The following MRRF variants were observed in gnomAD, a reference collection of about 807,000 sequenced individuals.
The protein encoded by MRRF is mitochondrial ribosome recycling factor.
In MRRF, 18 loss-of-function variants were observed where a neutral mutation model predicts 25.1. The ratio of observed to expected loss-of-function variants is 0.72; its 90% CI spans 0.50 to 1.06. The LOEUF is 1.06. Ranked by LOEUF, MRRF falls within the 50% of genes least tolerant of loss-of-function variation. The probability of loss-of-function intolerance (pLI) is 0.00; values close to 1 mark genes in which losing one functional copy is unlikely to be tolerated. For synonymous variants in MRRF, 113 were observed against 112.1 expected, an observed-to-expected ratio of 1.01 and a Z score of -0.05; for missense variants, 323 against 319.3, an observed-to-expected ratio of 1.01 and a Z score of -0.09.
At position 122,327,154 on chromosome 9, in the gene MRRF, T is replaced by A. The variant is rs1405466838; in HGVS notation, c.*4537T>A. Reference sequence around the variant, plus strand: ...TAAACACCAAAGAAATGGTAGCTCTTATGGAGACAGTAAAGATTACATATT... The same window carrying A: ...TAAACACCAAAGAAATGGTAGCTCTAATGGAGACAGTAAAGATTACATATT... On this transcript the variant is annotated 3_prime_UTR_variant, in exon 7 of 7. Coordinates refer to ENST00000344641, the MANE Select transcript of MRRF (RefSeq NM_138777.5). 1.3e-5 allele frequency: 2 copies of A among 152,212 alleles called. No homozygotes were observed. The highest frequency in any genetic ancestry group is 3.8e-4 in the East Asian group (2 of 5,202). 9.4% of individuals were successfully genotyped at this position (152,212 alleles called of 1,614,324 possible).
intron 5 of MRRF, among the ~76,000 whole-genome samples, chr9:122,311,682 GATA>G (rs2118958326): frequency 6.6e-6 from 1 of 152,152 alleles, no homozygotes; most frequent in African/African-American, 2.4e-5. Flanking sequence ...AAGTTGATCA[GATA>G]ATTTTTTTTC....
intron 5 of MRRF, among the ~76,000 whole-genome samples, chr9:122,312,117 T>C (rs1393477440): frequency 1.3e-5 from 2 of 152,208 alleles, no homozygotes; most frequent in African/African-American, 4.8e-5. Context: ...GTGCATAATT[T>C]ACTTGAAATA....
Position 122,322,482 on chromosome 9 carries a change from A to C in MRRF, c.712-58A>C. ...ACCTTTTCATGTTTCTGGAATATTC[A>C]TCCCCCTACCCTTTTCCAGCCCCAT... is the stretch of plus-strand genomic sequence containing the variant. On this transcript the variant is annotated intron_variant, in intron 6 of 6. Transcript: ENST00000344641. 6 of 1,464,920 alleles carry C rather than the reference A, an allele frequency of 4.1e-6. No homozygotes were observed. The South Asian group carries it at 6.9e-5, about 17-fold the overall frequency. 90.7% of individuals were successfully genotyped at this position (1,464,920 alleles called of 1,614,324 possible).
At chr9:122,285,542 C>T in intron 4 of MRRF, 1 of 460,536 alleles carries the variant, frequency 2.2e-6, no homozygotes, top group Non-Finnish European at 4.1e-6. Context: ...ACTGGAGATG[C>T]AGTGATTGGT....
In MRRF at chr9:122,327,008, C is replaced by T. The variant is rs973932493; in HGVS notation, c.*4391C>T. The T allele has an allele frequency of 3.3e-5, 5 of 152,174 alleles. No homozygotes were observed. The highest frequency in any genetic ancestry group is 6.5e-5 in the Admixed American group (1 of 15,270). The allele number at this position is 152,174 out of a possible 1,614,324, so 9.4% of individuals were successfully genotyped here. A position where few individuals can be genotyped will look rare whatever the true frequency, so the allele number is the denominator to read the frequency against. On this transcript the variant is annotated 3_prime_UTR_variant, in exon 7 of 7. Coordinates refer to ENST00000344641, the MANE Select transcript of MRRF (RefSeq NM_138777.5). ...CTGAACACTTACTCAAAAGGGACCT[C>T]GCGCTGTTCTGGACCTGGACGGTGA... is the stretch of plus-strand genomic sequence containing the variant.
At chr9:122,289,849 G>A (rs563228848) in intron 4 of MRRF, among the ~76,000 whole-genome samples, 5 of 151,876 alleles carry the variant, frequency 3.3e-5, no homozygotes, top group East Asian at 1.9e-4. Flanking sequence ...GCAACATGGT[G>A]AGACTCCATC....
chr9:122,265,582 G>A (rs1832014996), intron 1 of MRRF: 1 of 383,856 alleles, frequency 2.6e-6, no homozygotes, highest in African/African-American at 2.1e-5. Flanking sequence ...CCACACTGTT[G>A]CATTTCCCCC....
intron 5 of MRRF, among the ~76,000 whole-genome samples, chr9:122,312,441 G>T (rs977120411): frequency 4.6e-5 from 7 of 152,134 alleles, no homozygotes; most frequent in African/African-American, 1.7e-4. Context: ...TCTCAGCAGA[G>T]AAAATGTAAG....
Position 122,285,279 on chromosome 9 carries a change from T to G in MRRF, c.451T>G (p.Phe151Val). 6.2e-7 allele frequency: 1 copy of G among 1,600,698 alleles called. No homozygotes were observed. The highest frequency in any genetic ancestry group is 8.6e-7 in the Non-Finnish European group (1 of 1,167,720). ...PQLILVNMAS[F>V]PECTAAAIKA... is the part of the protein sequence containing the mutation. ...GCTGATTTTGGTGAATATGGCCAGCTTCCCAGAGGTAAGATGGCCTTGCTA... is the reference window on the plus strand; with the variant it reads ...GCTGATTTTGGTGAATATGGCCAGCGTCCCAGAGGTAAGATGGCCTTGCTA... The change falls in exon 4 of 7, where the codon TTC (phenylalanine) becomes GTC (valine). Residue 151 changes from phenylalanine to valine, a missense_variant. Transcript: ENST00000344641.
intron 4 of MRRF, among the ~76,000 whole-genome samples, chr9:122,290,638 G>A (rs1304152543): frequency 6.6e-6 from 1 of 152,236 alleles, no homozygotes; most frequent in Non-Finnish European, 1.5e-5. Flanking sequence ...GAGCTCAAGT[G>A]CAGGAATTGG....
intron 4 of MRRF, chr9:122,286,004 G>C: frequency 7.7e-7 from 1 of 1,303,106 alleles, no homozygotes; most frequent in Non-Finnish European, 1.0e-6. Context: ...TGTAGTTGAA[G>C]AAGGTAATTG....
Position 122,326,717 on chromosome 9 carries a change from C to T in MRRF, c.*4100C>T, listed in dbSNP as rs1836153433. Reference sequence around the variant, plus strand: ...TAAGGTCTGCTCTTTCTCCTTCAACCTCAGGCTAACATTTATTGAATGCCT... The same window carrying T: ...TAAGGTCTGCTCTTTCTCCTTCAACTTCAGGCTAACATTTATTGAATGCCT... On this transcript the variant is annotated 3_prime_UTR_variant, in exon 7 of 7. Coordinates refer to ENST00000344641, the MANE Select transcript of MRRF (RefSeq NM_138777.5). The T allele has an allele frequency of 6.6e-6, 1 of 152,070 alleles. No individual in the cohort carries two copies. Among genetic ancestry groups the T allele is most frequent in the Admixed American group, 6.5e-5 (1 of 15,270 alleles). The allele number at this position is 152,070 out of a possible 1,614,324, so 9.4% of individuals were successfully genotyped here.
At chr9:122,278,153 T>A (rs1832891257) in intron 2 of MRRF, among the ~76,000 whole-genome samples, 1 of 152,142 alleles carries the variant, frequency 6.6e-6, no homozygotes, top group Non-Finnish European at 1.5e-5. Flanking sequence ...CTCTCTTTTT[T>A]AAATTCTGCT....
chr9:122,288,706 T>G lies in MRRF; in HGVS notation c.460-3043T>G, dbSNP rs1024559567. On this transcript the variant is annotated intron_variant, in intron 4 of 6. Coordinates refer to ENST00000344641, the MANE Select transcript of MRRF (RefSeq NM_138777.5). ...GAAAATGGAAGGCCAGTAATTGATATGGCACTAGCAGAGTTGACTTGAATT... is the reference window on the plus strand; with the variant it reads ...GAAAATGGAAGGCCAGTAATTGATAGGGCACTAGCAGAGTTGACTTGAATT... 4.6e-5 allele frequency among the ~76,000 whole-genome samples: 7 copies of G among 152,340 alleles called. No individual in the cohort carries two copies. The East Asian group carries it at 1.3e-3, about 29-fold the overall frequency.
intron 5 of MRRF, among the ~76,000 whole-genome samples, chr9:122,308,135 G>C (rs1339899364): frequency 1.3e-5 from 2 of 152,106 alleles, no homozygotes; most frequent in African/African-American, 4.8e-5. Context: ...GACCCTGCCA[G>C]CTCAGCCAAA....
rs1467701078 is a variant in MRRF, at chr9:122,325,673, TG to T, written c.*3057del. ...GTGTGTGTGTGTGTGTGTGTGTGTG[TG>T]TGTGTGTGTGTTGGAAATTACAAAA... is the stretch of plus-strand genomic sequence containing the variant. On this transcript the variant is annotated 3_prime_UTR_variant, in exon 7 of 7. Coordinates refer to ENST00000344641, the MANE Select transcript of MRRF (RefSeq NM_138777.5). 7.3e-6 allele frequency: 1 copy of T among 136,702 alleles called. No homozygotes were observed. Among genetic ancestry groups the T allele is most frequent in the Non-Finnish European group, 1.6e-5 (1 of 62,100 alleles). 8.5% of individuals were successfully genotyped at this position (136,702 alleles called of 1,614,324 possible).
intron 5 of MRRF, among the ~76,000 whole-genome samples, chr9:122,308,126 A>G (rs1588071974): frequency 6.6e-6 from 1 of 152,038 alleles, no homozygotes; most frequent in African/African-American, 2.4e-5. Context: ...ACAAAGTATG[A>G]CCCTGCCAGC....
chr9:122,289,597 GT>G (rs112850742), intron 4 of MRRF, among the ~76,000 whole-genome samples: 255 of 140,436 alleles, frequency 1.8e-3, no homozygotes, highest in Middle Eastern at 0.016. Context: ...TTTAGAATCT[GT>G]TTTTTTTTTT....
In MRRF at chr9:122,280,384, T is replaced by C. The variant is rs542240267; in HGVS notation, c.185-59T>C. ...TACATAGTAGGTACTTCTTCACCAA[T>C]TGCTTATTGGCTCTGTTTATGCTGC... is the stretch of plus-strand genomic sequence containing the variant. On this transcript the variant is annotated intron_variant, in intron 2 of 6. Transcript: ENST00000344641. The C allele has an allele frequency of 4.4e-6, 7 of 1,582,464 alleles. No homozygotes were observed. The African/African-American group carries it at 8.1e-5, about 18-fold the overall frequency.
Sources: allele counts gnomAD v4.1 joint callset (sites outside exome capture counted in the v4.1 genomes callset), GRCh38; gene constraint gnomAD v4.1.1; transcripts MANE v1.5; gene names NCBI Gene and HGNC (gene_info 2026-07-23, HGNC 2026-07-21).